The following XXYLT1 variants were observed in gnomAD, a reference collection of about 807,000 sequenced individuals.
XXYLT1 encodes the protein UDP-xylose:alpha-xyloside alpha-1,3-xylosyltransferase.
Under a neutral mutation model 28.9 loss-of-function variants are expected in XXYLT1, and 20 were observed. The observed-to-expected ratio is 0.69, with a 90% CI of 0.49 to 1.00. The LOEUF (loss-of-function observed/expected upper bound fraction) is 1.00. Among genes scored for constraint, XXYLT1 ranks in the 50% least tolerant of loss-of-function variants. The pLI is 0.00. For missense variants in XXYLT1, 542 were observed against 560.1 expected (o/e 0.97, Z 0.33); for synonymous variants, 257 against 253.8 (o/e 1.01, Z -0.12).
chr3:195,234,697 G>A (rs1247786399), intron 1 of XXYLT1, among the ~76,000 whole-genome samples: 1 of 152,106 alleles, frequency 6.6e-6, no homozygotes, highest in Non-Finnish European at 1.5e-5. Flanking sequence ...CTCTCTCCTG[G>A]CCTGTAAGGT....
chr3:195,201,199 CT>C (rs35849337), intron 2 of XXYLT1, among the ~76,000 whole-genome samples: 36 of 152,190 alleles, frequency 2.4e-4, no homozygotes, highest in Non-Finnish European at 4.1e-4. Context: ...AGTCACTGGA[CT>C]TCGAGTTCCT....
chr3:195,155,714 A>G (rs1577088918), intron 3 of XXYLT1, among the ~76,000 whole-genome samples: 1 of 102,974 alleles, frequency 9.7e-6, no homozygotes, highest in Non-Finnish European at 1.9e-5. Flanking sequence ...CTCCTTTCCC[A>G]TTCTCCGCAC....
chr3:195,120,176 C>A (rs978239481), intron 3 of XXYLT1, among the ~76,000 whole-genome samples: 1 of 152,228 alleles, frequency 6.6e-6, no homozygotes, highest in African/African-American at 2.4e-5. Context: ...GAGGGCAGAG[C>A]CTGGGCGTCC....
intron 2 of XXYLT1, among the ~76,000 whole-genome samples, chr3:195,216,518 G>A (rs1357708266): frequency 3.8e-4 from 56 of 148,636 alleles, no homozygotes; most frequent in African/African-American, 1.2e-3. Context: ...CTACCATCAG[G>A]GAATACTACA....
intron 3 of XXYLT1, among the ~76,000 whole-genome samples, chr3:195,109,613 TATGA>T (rs72261921): frequency 0.64 from 80,445 of 126,196 alleles, 26,073 homozygotes; most frequent in Non-Finnish European, 0.71. Context: ...GTGTGTGTTG[TATGA>T]GTGTGTGTGG....
intron 2 of XXYLT1, among the ~76,000 whole-genome samples, chr3:195,197,971 T>A (rs1408651865): frequency 1.3e-5 from 2 of 152,204 alleles, no homozygotes; most frequent in Non-Finnish European, 2.9e-5. Flanking sequence ...ACAAGCTGAG[T>A]TCAGCTGCGC....
At chr3:195,079,168 G>A (rs866788642) in intron 3 of XXYLT1, among the ~76,000 whole-genome samples, 1 of 152,198 alleles carries the variant, frequency 6.6e-6, no homozygotes, top group Non-Finnish European at 1.5e-5. Context: ...GAAAGCTGTA[G>A]AGGGCAAGGA....
At chr3:195,264,581 T>A (rs942202037) in intron 1 of XXYLT1, among the ~76,000 whole-genome samples, 4 of 152,358 alleles carry the variant, frequency 2.6e-5, no homozygotes, top group African/African-American at 7.2e-5. Flanking sequence ...ACAATCTGAC[T>A]CACTCCATAT....
intron 3 of XXYLT1, among the ~76,000 whole-genome samples, chr3:195,100,948 G>A (rs1716742075): frequency 6.6e-6 from 1 of 152,240 alleles, no homozygotes; most frequent in South Asian, 2.1e-4. Flanking sequence ...AACTAGTCTA[G>A]ACAGGTATAC....
intron 3 of XXYLT1, among the ~76,000 whole-genome samples, chr3:195,098,580 C>T (rs774612667): frequency 1.3e-5 from 2 of 152,236 alleles, no homozygotes; most frequent in East Asian, 1.9e-4. Flanking sequence ...GTTAAAATGG[C>T]GAATTCTGTG....
chr3:195,184,788 C>G (rs570986728), intron 2 of XXYLT1: 2 of 985,406 alleles, frequency 2.0e-6, no homozygotes, highest in Non-Finnish European at 2.4e-6. Flanking sequence ...AAAGAAGTGA[C>G]TACTTCAATT....
rs1291031503 is a variant in XXYLT1, at chr3:195,257,165, A to G, written c.504+13390T>C. Among the ~76,000 whole-genome samples, 1 of 152,138 alleles carries G rather than the reference A, an allele frequency of 6.6e-6. No individual in the cohort carries two copies. Among genetic ancestry groups the G allele is most frequent in the Admixed American group, 6.5e-5 (1 of 15,280 alleles). On this transcript the variant is annotated intron_variant, in intron 1 of 3. Transcript: ENST00000310380. The surrounding 1 kb of genome is among the most constrained non-coding windows in gnomAD (Gnocchi z 4.3). ...CAAGTCTGAGCAGCATGTGCACAGGACATCTGACGGGCATCGGTGCCCAGC... is the reference window on the plus strand; with the variant it reads ...CAAGTCTGAGCAGCATGTGCACAGGGCATCTGACGGGCATCGGTGCCCAGC...
At chr3:195,169,546 C>A (rs911038800) in intron 2 of XXYLT1, among the ~76,000 whole-genome samples, 1 of 152,190 alleles carries the variant, frequency 6.6e-6, no homozygotes, top group Non-Finnish European at 1.5e-5. Flanking sequence ...CGCCACAATG[C>A]GGTTCCACTT....
intron 3 of XXYLT1, among the ~76,000 whole-genome samples, chr3:195,119,193 A>T (rs1718207686): frequency 6.6e-6 from 1 of 151,068 alleles, no homozygotes; most frequent in Non-Finnish European, 1.5e-5. Context: ...CTAGGGCAGG[A>T]GAATCACTTG....
rs142397591 is a variant in XXYLT1, at chr3:195,130,182, A to T, written c.785+26267T>A. ...TACTCAGTTGCCAGGATTTCCTGGT[A>T]GATCTGTGGTCCCTCTCTGAGGACC... On this transcript the variant is annotated intron_variant, in intron 3 of 3. Coordinates refer to ENST00000310380, the MANE Select transcript of XXYLT1 (RefSeq NM_152531.5). Among the ~76,000 whole-genome samples the T allele has an allele frequency of 5.3e-5, 8 of 152,306 alleles. No individual in the cohort carries two copies. In the East Asian group the frequency reaches 1.4e-3, roughly 26 times the overall value.
At chr3:195,086,509 T>C (rs1465633478) in intron 3 of XXYLT1, among the ~76,000 whole-genome samples, 1 of 151,638 alleles carries the variant, frequency 6.6e-6, no homozygotes, top group Non-Finnish European at 1.5e-5. Context: ...ACAAACACAG[T>C]GGTTAGGGGC....
At chr3:195,228,591 C>T (rs546207595) in intron 1 of XXYLT1, among the ~76,000 whole-genome samples, 6 of 148,646 alleles carry the variant, frequency 4.0e-5, no homozygotes, top group Admixed American at 6.9e-5. Context: ...CGGGTTCAAG[C>T]GATTCTCCTG....
intron 3 of XXYLT1, among the ~76,000 whole-genome samples, chr3:195,102,710 C>G (rs1435825414): frequency 6.6e-6 from 1 of 152,118 alleles, no homozygotes; most frequent in Non-Finnish European, 1.5e-5. Context: ...CTCTATTCAT[C>G]TATCAACAGA....
At chr3:195,170,807 C>T (rs1721367214) in intron 2 of XXYLT1, among the ~76,000 whole-genome samples, 1 of 152,084 alleles carries the variant, frequency 6.6e-6, no homozygotes, top group Non-Finnish European at 1.5e-5. Flanking sequence ...CTTCGCGAGG[C>T]CAAGGCAGGA....
Sources: allele counts gnomAD v4.1 joint callset (sites outside exome capture counted in the v4.1 genomes callset), GRCh38; gene constraint gnomAD v4.1.1; non-coding constraint Gnocchi (gnomAD v3.1); transcripts MANE v1.5; gene names NCBI Gene and HGNC (gene_info 2026-07-23, HGNC 2026-07-21).